Variants in ARHGEF4 observed in about 807,000 individuals in gnomAD.
The protein encoded by ARHGEF4 is APC-stimulated guanine nucleotide exchange factor 1.
A neutral mutation model predicts 162.0 loss-of-function variants in ARHGEF4; 119 were observed. That is an observed-to-expected ratio of 0.73 (90% CI 0.63 to 0.86). The LOEUF is 0.86. Ranked by LOEUF, ARHGEF4 falls within the 40% of genes least tolerant of loss-of-function variation. The pLI is 0.00. For missense variants in ARHGEF4, 2,488 were observed against 2,456.0 expected (o/e 1.01, Z -0.28); for synonymous variants, 1,014 against 979.9 (o/e 1.03, Z -0.65).
chr2:130,843,564 CCT>C (rs1680748872), intron 1 of ARHGEF4, among the ~76,000 whole-genome samples: 2 of 152,208 alleles, frequency 1.3e-5, no homozygotes, highest in Admixed American at 6.5e-5. Context: ...CTATAGGCCT[CCT>C]CTCCCCCACT....
intron 4 of ARHGEF4, among the ~76,000 whole-genome samples, chr2:131,017,212 C>G (rs896273092): frequency 5.9e-5 from 9 of 152,156 alleles, no homozygotes; most frequent in Admixed American, 5.9e-4. Flanking sequence ...GTGAGACCCA[C>G]AGTAGCTTTG....
At chr2:131,043,334 C>A in intron 10 of ARHGEF4, 118 bp from the exon 11 acceptor site, 1 of 1,399,378 alleles carries the variant, frequency 7.1e-7, no homozygotes, top group Non-Finnish European at 9.8e-7. Context: ...ATGGCCTGGC[C>A]AGGTGGGCGC....
intron 3 of ARHGEF4, among the ~76,000 whole-genome samples, chr2:130,934,176 G>A (rs1311376149): frequency 6.6e-6 from 1 of 152,194 alleles, no homozygotes; most frequent in Non-Finnish European, 1.5e-5. Flanking sequence ...CGGTTTTTCT[G>A]CATCAACTGA....
intron 1 of ARHGEF4, 122 bp downstream of exon 1, chr2:130,837,114 C>T: frequency 1.1e-6 from 1 of 941,702 alleles, no homozygotes; most frequent in East Asian, 3.4e-5. Flanking sequence ...TGGGTGGGGA[C>T]ACCCTCGTGG....
chr2:130,915,071 AC>A lies in ARHGEF4; in HGVS notation c.1126del (p.Gln376LysfsTer54), dbSNP rs1681398474. On this transcript the variant is annotated frameshift_variant, in exon 2 of 14. Transcript: ENST00000409359. LOFTEE classifies it high-confidence loss of function. Reference protein sequence around the residue: ...GAKNERDPRIQNIPSPAPTQL... With the variant: ...GAKNERDPRIXNIPSPAPTQL... ...CCAAAAATGAACGAGATCCAAGAAT[AC>A]AAAACATCCCTTCCCCTGCACCCAC... The A allele has an allele frequency of 6.4e-7, 1 of 1,550,716 alleles. No homozygotes were observed. The highest frequency in any genetic ancestry group is 2.4e-5 in the East Asian group (1 of 40,918).
At chr2:131,035,082 G>A (rs1206463496) in intron 5 of ARHGEF4, 2 of 1,034,064 alleles carry the variant, frequency 1.9e-6, no homozygotes, top group East Asian at 8.6e-5. Flanking sequence ...GGAGCGGGAG[G>A]CCGGGCGCCA....
intron 4 of ARHGEF4, among the ~76,000 whole-genome samples, chr2:130,978,749 T>A (rs1163167828): frequency 3.5e-5 from 5 of 144,250 alleles, no homozygotes; most frequent in Non-Finnish European, 7.6e-5. Flanking sequence ...TATAAATAGC[T>A]CCAAAAAAAA....
intron 5 of ARHGEF4, among the ~76,000 whole-genome samples, chr2:131,038,115 C>T (rs1573691476): frequency 6.6e-6 from 1 of 152,168 alleles, no homozygotes; most frequent in Non-Finnish European, 1.5e-5. Context: ...GCTCCAATCA[C>T]TCCAATGGCA....
At chr2:131,041,201 C>T in intron 8 of ARHGEF4, 29 bp from the exon 9 acceptor site, 6 of 1,592,490 alleles carry the variant, frequency 3.8e-6, no homozygotes, top group Non-Finnish European at 5.1e-6. Context: ...CAGCAGAGAG[C>T]TCTGCTAACC....
In ARHGEF4 at chr2:130,917,471, CT is replaced by C; in HGVS notation, c.3526del (p.Trp1176GlyfsTer46). 1 of 1,550,322 alleles carries C rather than the reference CT, an allele frequency of 6.5e-7. No individual in the cohort carries two copies. Among genetic ancestry groups the C allele is most frequent in the Non-Finnish European group, 8.7e-7 (1 of 1,146,892 alleles). On this transcript the variant is annotated frameshift_variant, in exon 2 of 14. Coordinates refer to ENST00000409359, the MANE Select transcript of ARHGEF4 (RefSeq NM_001367493.1). LOFTEE classifies it high-confidence loss of function. Reference protein sequence around the residue: ...QGPRGLGTVPWLRDLPGSENH... With the variant: ...QGPRGLGTVPXLRDLPGSENH... ...GTCCGCGCGGCTTGGGCACAGTGCC[CT>C]GGCTCAGGGACCTTCCTGGGAGTGA...
chr2:131,023,124 C>A (rs1411584461), intron 4 of ARHGEF4, among the ~76,000 whole-genome samples: 5 of 134,794 alleles, frequency 3.7e-5, no homozygotes, highest in African/African-American at 1.1e-4. Context: ...ATTAAAACAC[C>A]AATTATTAAA....
At chr2:131,001,668 A>G in intron 4 of ARHGEF4, among the ~76,000 whole-genome samples, 1 of 152,062 alleles carries the variant, frequency 6.6e-6, no homozygotes, top group East Asian at 1.9e-4. Context: ...AAACTCTTCC[A>G]TGTATGCATA....
chr2:131,020,475 T>G (rs1689049138), intron 4 of ARHGEF4, among the ~76,000 whole-genome samples: 1 of 152,006 alleles, frequency 6.6e-6, no homozygotes, highest in South Asian at 2.1e-4. Context: ...TTGCTGAGAA[T>G]GATGGTTTCC....
At chr2:131,009,582 G>A (rs985597853) in intron 4 of ARHGEF4, among the ~76,000 whole-genome samples, 6 of 151,744 alleles carry the variant, frequency 4.0e-5, no homozygotes, top group Admixed American at 6.6e-5. Context: ...ATTTCTATTC[G>A]TCTGTCTTCA....
chr2:130,909,930 A>C (rs549546291), intron 1 of ARHGEF4, among the ~76,000 whole-genome samples: 1 of 152,212 alleles, frequency 6.6e-6, no homozygotes, highest in African/African-American at 2.4e-5. Context: ...TTCCCAGGAC[A>C]AAAAAAGAAG....
At chr2:130,876,282 A>G (rs992372307) in intron 1 of ARHGEF4, among the ~76,000 whole-genome samples, 2 of 152,244 alleles carry the variant, frequency 1.3e-5, no homozygotes, top group African/African-American at 4.8e-5. Flanking sequence ...GGAGCACCGC[A>G]TGAATGCTGC....
chr2:130,972,507 T>C (rs1685431659), intron 4 of ARHGEF4, among the ~76,000 whole-genome samples: 1 of 152,234 alleles, frequency 6.6e-6, no homozygotes, highest in South Asian at 2.1e-4. Flanking sequence ...CATTCAGAAC[T>C]AGAGTTCTGG....
At chr2:130,980,659 C>A (rs928597372) in intron 4 of ARHGEF4, among the ~76,000 whole-genome samples, 26 of 152,148 alleles carry the variant, frequency 1.7e-4, no homozygotes, top group Non-Finnish European at 2.9e-4. Flanking sequence ...GGTTAGGCAA[C>A]CTTCACCACT....
chr2:131,013,753 G>A (rs185264704), intron 4 of ARHGEF4, among the ~76,000 whole-genome samples: 18 of 152,130 alleles, frequency 1.2e-4, no homozygotes, highest in East Asian at 9.7e-4. Context: ...GGCGCATGCC[G>A]CCACACCCGG....
Sources: gnomAD v4.1 joint callset for allele counts (sites outside exome capture counted in the v4.1 genomes callset) on GRCh38, gnomAD v4.1.1 for gene constraint, MANE v1.5 for transcripts, NCBI Gene and HGNC (gene_info 2026-07-23, HGNC 2026-07-21) for gene names.